The following SUGP1 variants were observed in gnomAD, a reference collection of about 807,000 sequenced individuals.
SUGP1 encodes the protein SURP and G-patch domain containing 1.
SUGP1 carries 34 observed loss-of-function variants against 76.5 expected under a neutral mutation model. The ratio of observed to expected loss-of-function variants is 0.44; its 90% CI spans 0.34 to 0.59. The LOEUF (loss-of-function observed/expected upper bound fraction) is 0.59, where lower values mean the gene tolerates loss of function less well. SUGP1 is among the 20% of genes least tolerant of loss of function. SUGP1 has a pLI of 0.01. For synonymous variants in SUGP1, 326 were observed against 326.2 expected (o/e 1.00, Z 0.01); for missense variants, 752 against 851.7 (o/e 0.88, Z 1.46).
intron 6 of SUGP1, among the ~76,000 whole-genome samples, chr19:19,303,113 C>T (rs1022890023): frequency 5.3e-5 from 8 of 152,184 alleles, no homozygotes; most frequent in Non-Finnish European, 1.0e-4. Flanking sequence ...CATGAGCTCC[C>T]GTCTACCCCA....
chr19:19,290,055 A>AT (rs1358504788), intron 8 of SUGP1, among the ~76,000 whole-genome samples: 1 of 152,192 alleles, frequency 6.6e-6, no homozygotes, highest in African/African-American at 2.4e-5. Context: ...TAAGAGCAAC[A>AT]TGAACTTCTG....
At chr19:19,296,229 A>C (rs1360652016) in intron 8 of SUGP1, among the ~76,000 whole-genome samples, 1 of 152,136 alleles carries the variant, frequency 6.6e-6, no homozygotes. Flanking sequence ...TGGGAATGTA[A>C]AATGGTGCAC....
At chr19:19,280,538 GATGTGGACACCAAGA>G in intron 8 of SUGP1, 1 of 479,538 alleles carries the variant, frequency 2.1e-6, no homozygotes, top group Non-Finnish European at 3.8e-6. Context: ...CCACATTGCA[GATGTGGACACCAAGA>G]ATCAGAGGTT....
intron 4 of SUGP1, among the ~76,000 whole-genome samples, chr19:19,305,129 G>T (rs755118446): frequency 2.0e-5 from 3 of 152,162 alleles, no homozygotes; most frequent in Non-Finnish European, 4.4e-5. Flanking sequence ...CCTCTGATCC[G>T]CTCGGACACA....
chr19:19,312,975 G>A (rs528703791), intron 2 of SUGP1, among the ~76,000 whole-genome samples: 120 of 149,708 alleles, frequency 8.0e-4, no homozygotes, highest in African/African-American at 2.3e-3. Context: ...GGGCAACAGC[G>A]CAAGACTCCA....
chr19:19,305,555 G>A (rs2061309645), intron 4 of SUGP1: 1 of 311,854 alleles, frequency 3.2e-6, no homozygotes, highest in African/African-American at 2.1e-5. Context: ...GCAAATGCGA[G>A]AAGGGCGTGC....
chr19:19,319,634 G>A (rs1568640720), intron 1 of SUGP1, among the ~76,000 whole-genome samples: 1 of 147,826 alleles, frequency 6.8e-6, no homozygotes, highest in African/African-American at 2.5e-5. Context: ...TGAGGTGGGA[G>A]GATCACCTGA....
In SUGP1 at chr19:19,276,675, C is replaced by T; in HGVS notation, c.1912-1G>A. On this transcript the variant is annotated splice_acceptor_variant, in intron 13 of 13. Transcript: ENST00000247001. LOFTEE classifies it high-confidence loss of function. ...AGTAGTAAGGCCGTCTGGGATTGTT[C>T]TGTGGAAGGCAAAACAGATAACAGG... 1 of 1,614,130 alleles carries T rather than the reference C, an allele frequency of 6.2e-7. No individual in the cohort carries two copies. Among genetic ancestry groups the T allele is most frequent in the African/African-American group, 1.3e-5 (1 of 75,044 alleles).
At chr19:19,305,380 T>C (rs1410704435) in intron 4 of SUGP1, among the ~76,000 whole-genome samples, 1 of 152,258 alleles carries the variant, frequency 6.6e-6, no homozygotes, top group South Asian at 2.1e-4. Context: ...GACCGTCCTT[T>C]CCCAGGGATA....
At chr19:19,291,009 C>T (rs560609644) in intron 8 of SUGP1, among the ~76,000 whole-genome samples, 16 of 151,984 alleles carry the variant, frequency 1.1e-4, no homozygotes, top group Admixed American at 9.8e-4. Flanking sequence ...CCCAGCTACT[C>T]GGGAGGCTGG....
intron 4 of SUGP1, among the ~76,000 whole-genome samples, chr19:19,305,080 C>G (rs895955710): frequency 6.6e-6 from 1 of 152,184 alleles, no homozygotes; most frequent in Admixed American, 6.5e-5. Flanking sequence ...GGAAAGGACA[C>G]ACGCCAGCTC....
intron 8 of SUGP1, among the ~76,000 whole-genome samples, chr19:19,283,659 T>C (rs569604968): frequency 2.0e-5 from 3 of 152,382 alleles, no homozygotes; most frequent in Admixed American, 6.5e-5. Context: ...TTCAGCATAC[T>C]GGCCAGGCTG....
intron 8 of SUGP1, among the ~76,000 whole-genome samples, chr19:19,292,272 CAAA>C (rs543248625): frequency 1.3e-4 from 8 of 61,164 alleles, no homozygotes; most frequent in Admixed American, 3.3e-4. Flanking sequence ...GACTCCGTCT[CAAA>C]AAAAAAAAAA....
At position 19,276,469 on chromosome 19, in the gene SUGP1, C is replaced by T. The variant is rs531011267; in HGVS notation, c.*179G>A. 44 of 692,218 alleles carry T rather than the reference C, an allele frequency of 6.4e-5. No homozygotes were observed. The highest frequency in any genetic ancestry group is 1.1e-4 in the East Asian group (4 of 35,948). 42.9% of individuals were successfully genotyped at this position (692,218 alleles called of 1,614,324 possible). On this transcript the variant is annotated 3_prime_UTR_variant, in exon 14 of 14. Transcript: ENST00000247001. The stretch of plus-strand genomic sequence containing the variant: ...AGCCCCGAGACAGCATCTTGCATCC[C>T]GCTGCTAACAGGAGGGGCTTCCTGC...
intron 3 of SUGP1, among the ~76,000 whole-genome samples, chr19:19,309,658 C>T (rs1010477983): frequency 6.6e-6 from 1 of 152,224 alleles, no homozygotes; most frequent in Non-Finnish European, 1.5e-5. Flanking sequence ...CGCCTGTAAT[C>T]CCAGCACTTT....
At chr19:19,285,952 T>G (rs2061136863) in intron 8 of SUGP1, among the ~76,000 whole-genome samples, 1 of 152,148 alleles carries the variant, frequency 6.6e-6, no homozygotes, top group African/African-American at 2.4e-5. Flanking sequence ...TCTATGAAGC[T>G]GCTAACCCCT....
At chr19:19,301,973 C>T in intron 7 of SUGP1, 1 of 419,340 alleles carries the variant, frequency 2.4e-6, no homozygotes, top group Non-Finnish European at 4.3e-6. Context: ...TGCTGTGTGT[C>T]CCAAAGGCAA....
At chr19:19,300,135 G>C (rs2061259837) in intron 7 of SUGP1, among the ~76,000 whole-genome samples, 2 of 151,892 alleles carry the variant, frequency 1.3e-5, no homozygotes, top group African/African-American at 4.8e-5. Context: ...AAGTGCAATG[G>C]CATCATCTCG....
rs141362059 is a variant in SUGP1, at chr19:19,316,580, C to T, written c.48G>A (p.Arg16=). 1,639 of 1,613,974 alleles carry T rather than the reference C, an allele frequency of 1.0e-3. 12 individuals carry two copies. The African/African-American group carries it at 0.02, about 19-fold the overall frequency. Residue 16 remains arginine (R), a synonymous_variant, in exon 2 of 14, where the codon CGG becomes CGA. Coordinates refer to ENST00000247001, the MANE Select transcript of SUGP1 (RefSeq NM_172231.4). ...DNRDVAGKAN[R]WFGVAPPKSG... ...ATTTAGGGGGAGCAACCCCAAACCACCGGTTAGCCTTTCCTGGGGAGGGAA... is the reference window on the plus strand; with the variant it reads ...ATTTAGGGGGAGCAACCCCAAACCATCGGTTAGCCTTTCCTGGGGAGGGAA...
Sources: allele counts gnomAD v4.1 joint callset (sites outside exome capture counted in the v4.1 genomes callset), GRCh38; gene constraint gnomAD v4.1.1; transcripts MANE v1.5; gene names NCBI Gene and HGNC (gene_info 2026-07-23, HGNC 2026-07-21).